VPS9D1: variants seen among roughly 807,000 people sequenced by gnomAD.
VPS9D1 encodes the protein VPS9 domain-containing protein 1.
Under a neutral mutation model 75.8 loss-of-function variants are expected in VPS9D1, and 78 were observed. That is an observed-to-expected ratio of 1.03 (90% confidence interval 0.86 to 1.24). VPS9D1 has a LOEUF of 1.24. Ranked by LOEUF, VPS9D1 falls within the 50% of genes most tolerant of loss-of-function variation. VPS9D1 has a pLI of 0.00. For missense variants in VPS9D1, 1,057 were observed against 847.7 expected, an observed-to-expected ratio of 1.25 and a Z score of -3.07; for synonymous variants, 481 against 385.6, an observed-to-expected ratio of 1.25 and a Z score of -2.90.
chr16:89,718,955 T>C, intron 2 of VPS9D1, 72 bp downstream of exon 2: 1 of 1,347,626 alleles, frequency 7.4e-7, no homozygotes, highest in Non-Finnish European at 1.0e-6. Flanking sequence ...CCTCAGGTGA[T>C]AGCCCGCCTC....
At chr16:89,709,020 A>ACCCCT in intron 12 of VPS9D1, 64 bp from the exon 13 acceptor site, 2 of 1,277,898 alleles carry the variant, frequency 1.6e-6, no homozygotes, top group Non-Finnish European at 2.1e-6. Flanking sequence ...CACCCCTTAT[A>ACCCCT]CCCCGCCCAC....
Position 89,719,511 on chromosome 16 carries a change from C to T in VPS9D1, c.100-409G>A, listed in dbSNP as rs961503044. 63 of 367,094 alleles carry T rather than the reference C, an allele frequency of 1.7e-4. No homozygotes were observed. The East Asian group carries it at 4.3e-3, about 25-fold the overall frequency. The allele number at this position is 367,094 out of a possible 1,614,324, so 22.7% of individuals were successfully genotyped here. ...TTGTGCAACTCAAGGGTGATTCATT[C>T]AGTGGCTTAAAAAAATACTTTTCTG... On this transcript the variant is annotated intron_variant, in intron 1 of 14. Coordinates refer to ENST00000389386, the MANE Select transcript of VPS9D1 (RefSeq NM_004913.3).
At chr16:89,720,299 C>T (rs1162029029) in intron 1 of VPS9D1, 5 of 671,920 alleles carry the variant, frequency 7.4e-6, no homozygotes, top group Admixed American at 6.3e-5. Flanking sequence ...CGGGCCACAC[C>T]CCTCCGGCCT....
intron 8 of VPS9D1, 45 bp from the exon 9 acceptor site, chr16:89,711,457 C>A: frequency 6.6e-7 from 1 of 1,526,558 alleles, no homozygotes; most frequent in South Asian, 1.2e-5. Flanking sequence ...GGGTCCGCCA[C>A]GACCGGACGC....
In VPS9D1 at chr16:89,707,291, C is replaced by G. The variant is rs1030868837; in HGVS notation, c.*570G>C. 1 of 153,240 alleles carries G rather than the reference C, an allele frequency of 6.5e-6. No individual in the cohort carries two copies. The highest frequency in any genetic ancestry group is 1.5e-5 in the Non-Finnish European group (1 of 68,768). 9.5% of individuals were successfully genotyped at this position (153,240 alleles called of 1,614,324 possible). A position where few individuals can be genotyped will look rare whatever the true frequency, so the allele number is the denominator to read the frequency against. ...AGTAAGGGGCAGGGAATGTCCTGGGCTCAGAGCCCGAGACCCTGCAGGGGT... is the reference window on the plus strand; with the variant it reads ...AGTAAGGGGCAGGGAATGTCCTGGGGTCAGAGCCCGAGACCCTGCAGGGGT... On this transcript the variant is annotated 3_prime_UTR_variant, in exon 15 of 15. Transcript: ENST00000389386.
At position 89,712,694 on chromosome 16, in the gene VPS9D1, C is replaced by A. The variant is rs758644142; in HGVS notation, c.454G>T (p.Ala152Ser). 2.5e-6 allele frequency: 4 copies of A among 1,609,520 alleles called. No homozygotes were observed. Among genetic ancestry groups the A allele is most frequent in the Admixed American group, 1.7e-5 (1 of 59,606 alleles). ...CKKELTPLEE[A>S]SLQNQKLKAA... Reference sequence around the variant, plus strand: ...TTCAGCTTCTGATTCTGCAGGGAGGCCTCCTCCAGTGGCGTCAGCTCTCTG... The same window carrying A: ...TTCAGCTTCTGATTCTGCAGGGAGGACTCCTCCAGTGGCGTCAGCTCTCTG... The change falls in exon 5 of 15, where the codon GCC becomes TCC. Residue 152 changes from alanine (A) to serine (S), a missense_variant. By Grantham distance (99) the Ala-to-Ser change is moderately conservative (BLOSUM62 1). Transcript: ENST00000389386.
chr16:89,717,565 C>G (rs1405999365), intron 2 of VPS9D1: 1 of 456,548 alleles, frequency 2.2e-6, no homozygotes, highest in Non-Finnish European at 4.4e-6. Flanking sequence ...GACCCACCTC[C>G]CTGCTGCCCT....
At position 89,716,258 on chromosome 16, in the gene VPS9D1, T is replaced by C. The variant is rs183955776; in HGVS notation, c.431+204A>G. 3.2e-3 allele frequency among the ~76,000 whole-genome samples: 482 copies of C among 151,824 alleles called. 12 individuals carry two copies. The South Asian group carries it at 0.038, about 12-fold the overall frequency. On this transcript the variant is annotated intron_variant, in intron 4 of 14. Coordinates refer to ENST00000389386, the MANE Select transcript of VPS9D1 (RefSeq NM_004913.3). The stretch of plus-strand genomic sequence containing the variant: ...GTGGGCGCCTGTAGTCTCAGCTACT[T>C]GGGAGGCTGAGGCAGAAGAATGGTG...
chr16:89,710,890 G>C lies in VPS9D1; in HGVS notation c.954C>G (p.Pro318=), dbSNP rs1355861807. The C allele has an allele frequency of 2.0e-6, 3 of 1,498,220 alleles. No homozygotes were observed. In the African/African-American group the frequency reaches 4.2e-5, roughly 21 times the overall value. The allele number at this position is 1,498,220 out of a possible 1,614,324, so 92.8% of individuals were successfully genotyped here. ...APAPGCCPPT[P]NPGSRRLRPS... is the part of the protein sequence containing the mutation. Reference sequence around the variant, plus strand: ...GCCGCAGCCGTCGGCTTCCGGGGTTGGGGGTCGGGGGGCAGCAGCCTGGGG... The same window carrying C: ...GCCGCAGCCGTCGGCTTCCGGGGTTCGGGGTCGGGGGGCAGCAGCCTGGGG... The change falls in exon 10 of 15, where the codon CCC becomes CCG. Residue 318 remains proline, a synonymous_variant. Transcript: ENST00000389386.
At chr16:89,712,013 C>T in intron 7 of VPS9D1, 34 bp downstream of exon 7, 1 of 1,549,356 alleles carries the variant, frequency 6.5e-7, no homozygotes, top group South Asian at 1.2e-5. Flanking sequence ...CAGGCCCTCC[C>T]CGCAGCGGCC....
chr16:89,710,744 C>T lies in VPS9D1; in HGVS notation c.1100G>A (p.Gly367Glu), dbSNP rs2060896676. ...PGPVGSPSPL[G>E]DTASGLPDKD... ...GTCTGGCAATCCAGATGCGGTGTCC[C>T]CCAGGGGTGAGGGAGACCCCACGGG... is the stretch of plus-strand genomic sequence containing the variant. The change falls in exon 10 of 15, where the codon GGG becomes GAG. Residue 367 changes from glycine to glutamate, a missense_variant. Physicochemically the swap from Gly to Glu is moderately conservative, Grantham distance 98 (BLOSUM62 -2). Coordinates refer to ENST00000389386, the MANE Select transcript of VPS9D1 (RefSeq NM_004913.3). 6.3e-7 allele frequency: 1 copy of T among 1,581,074 alleles called. No individual in the cohort carries two copies. Among genetic ancestry groups the T allele is most frequent in the Non-Finnish European group, 8.6e-7 (1 of 1,163,702 alleles).
Position 89,711,443 on chromosome 16 carries a change from C to T in VPS9D1, c.748-31G>A, listed in dbSNP as rs916715284. 4.4e-6 allele frequency: 7 copies of T among 1,573,118 alleles called. No individual in the cohort carries two copies. In the Admixed American group the frequency reaches 5.5e-5, roughly 12 times the overall value. On this transcript the variant is annotated intron_variant, in intron 8 of 14. Coordinates refer to ENST00000389386, the MANE Select transcript of VPS9D1 (RefSeq NM_004913.3). The stretch of plus-strand genomic sequence containing the variant: ...GGACAGGGGGCCTTGAAGGAAAGCA[C>T]GGTGGGTCCGCCACGACCGGACGCG...
chr16:89,709,025 G>GGCCCCCCC lies in VPS9D1; in HGVS notation c.1598-70_1598-69insGGGGGGGC. ...CAGCCTGAGCCACCCCTTATACCCC[G>GGCCCCCCC]CCCACCCACCCACCTCCTGATGTGC... On this transcript the variant is annotated intron_variant, in intron 12 of 14. Coordinates refer to ENST00000389386, the MANE Select transcript of VPS9D1 (RefSeq NM_004913.3). 6.4e-6 allele frequency: 4 copies of GGCCCCCCC among 627,190 alleles called. No individual in the cohort carries two copies. The South Asian group carries it at 9.0e-5, about 14-fold the overall frequency. 38.9% of individuals were successfully genotyped at this position (627,190 alleles called of 1,614,324 possible).
At chr16:89,711,818 C>A (rs1048316790) in intron 8 of VPS9D1, 64 bp downstream of exon 8, 1 of 1,513,308 alleles carries the variant, frequency 6.6e-7, no homozygotes, top group South Asian at 1.2e-5. Context: ...CCCACCCAGG[C>A]GGCTCTGACC....
chr16:89,720,292 G>C (rs1299510557), intron 1 of VPS9D1: 17 of 618,784 alleles, frequency 2.7e-5, no homozygotes, highest in Non-Finnish European at 3.0e-5. Flanking sequence ...TCAGGAACGG[G>C]CCACACCCCT....
rs1250937017 is a variant in VPS9D1, at chr16:89,710,776, T to A, written c.1068A>T (p.Gln356His). Residue 356 changes from glutamine to histidine, a missense_variant, in exon 10 of 15, where the codon CAA (glutamine) becomes CAT (histidine). Transcript: ENST00000389386. ...GTGAGGGAGACCCCACGGGGCCGGG[T>A]TGGAGTGGGGGCGTGGGGGGACTGT... ...PQDSPPTPPL[Q>H]PGPVGSPSPL... 1.9e-6 allele frequency: 3 copies of A among 1,555,212 alleles called. No homozygotes were observed. Among genetic ancestry groups the A allele is most frequent in the African/African-American group, 1.4e-5 (1 of 73,190 alleles).
intron 14 of VPS9D1, 73 bp from the exon 15 acceptor site, chr16:89,708,027 T>C (rs2060830604): frequency 2.1e-6 from 3 of 1,461,438 alleles, no homozygotes; most frequent in Non-Finnish European, 2.9e-6. Flanking sequence ...CAGAAGGTAG[T>C]GTCTGCCCTC....
At chr16:89,719,455 G>C in intron 1 of VPS9D1, 1 of 436,742 alleles carries the variant, frequency 2.3e-6, no homozygotes, top group South Asian at 1.7e-5. Flanking sequence ...GCAGTTTGCT[G>C]TCATTTTTCA....
intron 6 of VPS9D1, 86 bp from the exon 7 acceptor site, chr16:89,712,185 G>A: frequency 6.6e-7 from 1 of 1,525,392 alleles, no homozygotes; most frequent in South Asian, 1.2e-5. Flanking sequence ...AGGCCGGGAC[G>A]TCCCAGGGAC....
Sources: allele counts gnomAD v4.1 joint callset (sites outside exome capture counted in the v4.1 genomes callset), GRCh38; gene constraint gnomAD v4.1.1; transcripts MANE v1.5; gene names NCBI Gene and HGNC (gene_info 2026-07-23, HGNC 2026-07-21).